The following SETBP1 variants were observed in gnomAD, a reference collection of about 807,000 sequenced individuals.
SETBP1 encodes SET binding protein 1, also known as SET-binding protein.
In SETBP1, 9 loss-of-function variants were observed where a neutral mutation model predicts 101.0. The ratio of observed to expected loss-of-function variants is 0.09; its 90% confidence interval spans 0.05 to 0.16. SETBP1 has a LOEUF of 0.16. SETBP1 is among the 10% of genes least tolerant of loss of function. The pLI, the probability that SETBP1 is intolerant of heterozygous loss-of-function variation, is 1.00. For synonymous variants in SETBP1, 818 were observed against 788.5 expected (o/e 1.04, Z -0.63); for missense variants, 1,858 against 2,033.8 (o/e 0.91, Z 1.66).
rs552775005 is a variant in SETBP1, at chr18:44,702,130, C to T, written c.486+298C>T. Among the ~76,000 whole-genome samples, 17 of 152,046 alleles carry T rather than the reference C, an allele frequency of 1.1e-4. No individual in the cohort carries two copies. The East Asian group carries it at 1.2e-3, about 10-fold the overall frequency. On this transcript the variant is annotated intron_variant, in intron 2 of 5. Coordinates refer to ENST00000649279, the MANE Select transcript of SETBP1 (RefSeq NM_015559.3). ...CTTTCCAGAATTAAGCTAGAGAAAA[C>T]GATCTTAAGAAAATCAAAAAGAAGA...
At chr18:44,949,241 T>G (rs1353604445) in intron 3 of SETBP1, among the ~76,000 whole-genome samples, 2 of 152,184 alleles carry the variant, frequency 1.3e-5, no homozygotes, top group African/African-American at 4.8e-5. Context: ...TTCATACTTC[T>G]CTCCTTAATT....
intron 2 of SETBP1, among the ~76,000 whole-genome samples, chr18:44,812,510 TTAA>T (rs2071885184): frequency 6.6e-6 from 1 of 152,190 alleles, no homozygotes; most frequent in African/African-American, 2.4e-5. Context: ...TGAACAATAA[TTAA>T]TTATTCTCCT....
At chr18:44,708,771 TGAA>T (rs772667203) in intron 2 of SETBP1, among the ~76,000 whole-genome samples, 312 of 151,682 alleles carry the variant, frequency 2.1e-3, no homozygotes, top group Admixed American at 5.1e-3. Flanking sequence ...AAGAAAAAGA[TGAA>T]GAAGAAAAAC....
chr18:44,786,911 A>T (rs1299936082), intron 2 of SETBP1, among the ~76,000 whole-genome samples: 2 of 152,186 alleles, frequency 1.3e-5, no homozygotes, highest in African/African-American at 4.8e-5. Context: ...GGTTGCTCCT[A>T]TCAGGCTGTC....
chr18:44,706,990 G>A (rs750173854), intron 2 of SETBP1, among the ~76,000 whole-genome samples: 19 of 152,192 alleles, frequency 1.2e-4, no homozygotes, highest in Non-Finnish European at 8.8e-5. Flanking sequence ...GAGCTACATG[G>A]CAGACCCTCT....
At chr18:45,016,527 T>G (rs1180122114) in intron 4 of SETBP1, among the ~76,000 whole-genome samples, 1 of 152,180 alleles carries the variant, frequency 6.6e-6, no homozygotes, top group African/African-American at 2.4e-5. Flanking sequence ...ATTAGCCTGA[T>G]GTTGTTTACT....
chr18:44,980,521 C>T (rs1338089409), intron 4 of SETBP1, among the ~76,000 whole-genome samples: 1 of 151,978 alleles, frequency 6.6e-6, no homozygotes, highest in Non-Finnish European at 1.5e-5. Context: ...AAACTCATTA[C>T]TTTATAATAC....
intron 2 of SETBP1, among the ~76,000 whole-genome samples, chr18:44,737,670 A>G (rs958857545): frequency 1.3e-5 from 2 of 152,248 alleles, no homozygotes; most frequent in Non-Finnish European, 2.9e-5. Context: ...ATTAGGCTAC[A>G]TAATCTCAGA....
intron 2 of SETBP1, among the ~76,000 whole-genome samples, chr18:44,837,733 G>A (rs759847062): frequency 6.6e-5 from 10 of 152,158 alleles, no homozygotes; most frequent in Non-Finnish European, 1.0e-4. Flanking sequence ...CCTGACTCAG[G>A]TCTTTAGAGG....
chr18:44,809,765 T>C (rs72909503), intron 2 of SETBP1, among the ~76,000 whole-genome samples: 1,868 of 152,288 alleles, frequency 0.012, 14 homozygotes, highest in Non-Finnish European at 0.016. Flanking sequence ...GCCTGATTCA[T>C]GGGAGATCCA....
In SETBP1 at chr18:44,876,148, A is replaced by G. The variant is rs114370339; in HGVS notation, c.540+6865A>G. Reference sequence around the variant, plus strand: ...TCCTTCCCCAAACTCTCAAAGGGAGAATCATAGTGGTGTTTGTCCCTCCCA... The same window carrying G: ...TCCTTCCCCAAACTCTCAAAGGGAGGATCATAGTGGTGTTTGTCCCTCCCA... On this transcript the variant is annotated intron_variant, in intron 3 of 5. Transcript: ENST00000649279. Among the ~76,000 whole-genome samples, 872 of 152,314 alleles carry G rather than the reference A, an allele frequency of 5.7e-3. 9 individuals are homozygous for G. The highest frequency in any genetic ancestry group is 0.019 in the African/African-American group (796 of 41,556).
At position 44,905,503 on chromosome 18, in the gene SETBP1, T is replaced by C. The variant is rs374804743; in HGVS notation, c.540+36220T>C. 1.3e-5 allele frequency among the ~76,000 whole-genome samples: 2 copies of C among 152,184 alleles called. 1 individual carries two copies. The highest frequency in any genetic ancestry group is 3.8e-4 in the East Asian group (2 of 5,196). The stretch of plus-strand genomic sequence containing the variant: ...ACTATGTCTGGATGGAATTAATTAG[T>C]AAATTAATTACCAGTACCCAGATTT... On this transcript the variant is annotated intron_variant, in intron 3 of 5. Transcript: ENST00000649279.
At chr18:44,897,507 G>T (rs2069934534) in intron 3 of SETBP1, among the ~76,000 whole-genome samples, 1 of 152,140 alleles carries the variant, frequency 6.6e-6, no homozygotes, top group Non-Finnish European at 1.5e-5. Context: ...TGTGGTCTGG[G>T]ACACATCGGG....
intron 3 of SETBP1, among the ~76,000 whole-genome samples, chr18:44,891,366 A>G (rs594406): frequency 0.54 from 82,075 of 151,990 alleles, 22,210 homozygotes; most frequent in Non-Finnish European, 0.55. Context: ...TCTAGGTTTG[A>G]TCTACATTTT....
At chr18:44,906,155 G>A (rs1464877566) in intron 3 of SETBP1, among the ~76,000 whole-genome samples, 1 of 152,180 alleles carries the variant, frequency 6.6e-6, no homozygotes, top group Non-Finnish European at 1.5e-5. Flanking sequence ...GACTCCAGGG[G>A]ACACTGGAAA....
chr18:44,834,497 A>G (rs377317066), intron 2 of SETBP1, among the ~76,000 whole-genome samples: 38 of 152,258 alleles, frequency 2.5e-4, no homozygotes, highest in Middle Eastern at 3.4e-3. Flanking sequence ...GGAAGAGTAT[A>G]TGTGGATGGG....
At chr18:44,785,733 A>C (rs2071226625) in intron 2 of SETBP1, among the ~76,000 whole-genome samples, 1 of 152,202 alleles carries the variant, frequency 6.6e-6, no homozygotes, top group East Asian at 1.9e-4. Flanking sequence ...ATTGAGACAC[A>C]ACATGCTCAA....
intron 2 of SETBP1, among the ~76,000 whole-genome samples, chr18:44,814,251 T>C (rs2071926656): frequency 6.6e-6 from 1 of 152,134 alleles, no homozygotes; most frequent in Non-Finnish European, 1.5e-5. Context: ...TATAAGAATA[T>C]ATCAAGAACT....
At chr18:45,056,119 C>T (rs566257092) in intron 5 of SETBP1, among the ~76,000 whole-genome samples, 1 of 152,200 alleles carries the variant, frequency 6.6e-6, no homozygotes, top group Non-Finnish European at 1.5e-5. Context: ...AAGAAAATTG[C>T]CAAATTCATC....
Sources: gnomAD v4.1 joint callset for allele counts (sites outside exome capture counted in the v4.1 genomes callset) on GRCh38, gnomAD v4.1.1 for gene constraint, MANE v1.5 for transcripts, NCBI Gene and HGNC (gene_info 2026-07-23, HGNC 2026-07-21) for gene names.